Variants in FCGRT observed in about 807,000 individuals in gnomAD.
FCGRT encodes IgG receptor FcRn large subunit p51.
A neutral mutation model predicts 35.7 loss-of-function variants in FCGRT; 13 were observed. The observed-to-expected ratio is 0.36, with a 90% CI of 0.24 to 0.58. The LOEUF (loss-of-function observed/expected upper bound fraction) is 0.58. Among genes scored for constraint, FCGRT ranks in the 20% least tolerant of loss-of-function variants. FCGRT has a pLI of 0.77. For missense variants in FCGRT, 455 were observed against 474.9 expected (o/e 0.96, Z 0.39); for synonymous variants, 233 against 216.5 (o/e 1.08, Z -0.67).
chr19:49,517,642 C>T (rs1301109205), intron 4 of FCGRT, among the ~76,000 whole-genome samples: 1 of 152,082 alleles, frequency 6.6e-6, no homozygotes, highest in African/African-American at 2.4e-5. Flanking sequence ...ACTCACTTCC[C>T]CACCCCACTT....
Position 49,526,023 on chromosome 19 carries a change from C to G in FCGRT, c.1002C>G (p.Ser334=). The G allele has an allele frequency of 6.2e-7, 1 of 1,610,630 alleles. No homozygotes were observed. The highest frequency in any genetic ancestry group is 8.5e-7 in the Non-Finnish European group (1 of 1,177,126). The change falls in exon 7 of 7, where the codon TCC becomes TCG. Residue 334 remains serine, a synonymous_variant. Coordinates refer to ENST00000221466, the MANE Select transcript of FCGRT (RefSeq NM_001136019.3). ...CTCTCTCCTCAGCCCCTTGGATCTC[C>G]CTTCGTGGAGACGACACCGGGGTCC... ...MRSGLPAPWI[S]LRGDDTGVLL... is the part of the protein sequence containing the mutation.
chr19:49,522,900 C>CT (rs1420597305), intron 4 of FCGRT, among the ~76,000 whole-genome samples: 1 of 151,090 alleles, frequency 6.6e-6, no homozygotes, highest in Non-Finnish European at 1.5e-5. Flanking sequence ...GCCTCAGCCT[C>CT]CCAAGTGGCT....
intron 2 of FCGRT, 140 bp from the exon 3 acceptor site, chr19:49,513,742 C>A (rs1438731725): frequency 2.3e-5 from 4 of 175,274 alleles, no homozygotes; most frequent in Non-Finnish European, 4.1e-5. Flanking sequence ...CTCTGTCCCC[C>A]CCCCCCCGGG....
chr19:49,515,289 GC>G (rs2080001202), intron 4 of FCGRT: 1 of 151,860 alleles, frequency 6.6e-6, no homozygotes, highest in Non-Finnish European at 1.5e-5. Flanking sequence ...ACCATAACTG[GC>G]TAATTTTTTT....
intron 6 of FCGRT, 161 bp from the exon 7 acceptor site, chr19:49,525,849 A>AG (rs2080073013): frequency 2.8e-6 from 2 of 709,086 alleles, no homozygotes; most frequent in Admixed American, 2.0e-5. Flanking sequence ...ATGTAGAAAG[A>AG]GGGGGGACGG....
chr19:49,517,682 C>T (rs2080016370), intron 4 of FCGRT, among the ~76,000 whole-genome samples: 1 of 152,080 alleles, frequency 6.6e-6, no homozygotes, highest in Non-Finnish European at 1.5e-5. Flanking sequence ...TCTCAGACAT[C>T]ACAGTGTTTT....
In FCGRT at chr19:49,526,135, A is replaced by G. The variant is rs201766783; in HGVS notation, c.*16A>G. ...CACCGCCTGACCATCCGCCATTCCGACTGCTAAAAGCGAATGTAGTCAGGC... is the reference window on the plus strand; with the variant it reads ...CACCGCCTGACCATCCGCCATTCCGGCTGCTAAAAGCGAATGTAGTCAGGC... On this transcript the variant is annotated 3_prime_UTR_variant, in exon 7 of 7. Coordinates refer to ENST00000221466, the MANE Select transcript of FCGRT (RefSeq NM_001136019.3). The G allele has an allele frequency of 2.0e-5, 31 of 1,547,376 alleles. No homozygotes were observed. The East Asian group carries it at 6.5e-4, about 32-fold the overall frequency.
intron 4 of FCGRT, among the ~76,000 whole-genome samples, chr19:49,522,939 G>T (rs1046167427): frequency 4.6e-5 from 7 of 151,522 alleles, no homozygotes; most frequent in Non-Finnish European, 1.0e-4. Flanking sequence ...CACCACGCCC[G>T]GCTAATTTTT....
At chr19:49,520,239 C>T (rs2080033357) in intron 4 of FCGRT, among the ~76,000 whole-genome samples, 1 of 150,178 alleles carries the variant, frequency 6.7e-6, no homozygotes, top group Non-Finnish European at 1.5e-5. Context: ...AAGTGATCCT[C>T]CTGCCTCAGC....
chr19:49,524,478 C>A (rs1323857417), intron 4 of FCGRT, 29 bp from the exon 5 acceptor site: 1 of 1,597,428 alleles, frequency 6.3e-7, no homozygotes. Context: ...GGGCTCGCGA[C>A]TTAGGCCTGT....
chr19:49,526,071 C>T lies in FCGRT; in HGVS notation c.1050C>T (p.Ala350=). Residue 350 remains alanine (A), a synonymous_variant, in exon 7 of 7, where the codon GCC becomes GCT. Coordinates refer to ENST00000221466, the MANE Select transcript of FCGRT (RefSeq NM_001136019.3). ...TGVLLPTPGE[A]QDADLKDVNV... ...TCCTCCTGCCCACCCCAGGGGAGGC[C>T]CAGGATGCTGATTTGAAGGATGTAA... 1 of 1,613,710 alleles carries T rather than the reference C, an allele frequency of 6.2e-7. No individual in the cohort carries two copies. The highest frequency in any genetic ancestry group is 8.5e-7 in the Non-Finnish European group (1 of 1,179,816).
chr19:49,526,294 G>C lies in FCGRT; in HGVS notation c.*175G>C. ...GTTTCCCCTCCTAATACATATGGCTGTTTTCCACCTCGATAATATAACACG... is the reference window on the plus strand; with the variant it reads ...GTTTCCCCTCCTAATACATATGGCTCTTTTCCACCTCGATAATATAACACG... On this transcript the variant is annotated 3_prime_UTR_variant, in exon 7 of 7. Transcript: ENST00000221466. The C allele has an allele frequency of 3.4e-6, 2 of 591,292 alleles. No homozygotes were observed. Among genetic ancestry groups the C allele is most frequent in the Non-Finnish European group, 6.0e-6 (2 of 331,146 alleles). The allele number at this position is 591,292 out of a possible 1,614,324, so 36.6% of individuals were successfully genotyped here. A position where few individuals can be genotyped will look rare whatever the true frequency, so the allele number is the denominator to read the frequency against.
At chr19:49,515,441 TGGCTAATTTTTATACTTTTAGTAGAGA>T in intron 4 of FCGRT, among the ~76,000 whole-genome samples, 1 of 152,090 alleles carries the variant, frequency 6.6e-6, no homozygotes, top group Admixed American at 6.6e-5. Flanking sequence ...CCACCATGTC[TGGCTAATTTTTATACTTTTAGTAGAGA>T]TGGGGTTTCG....
chr19:49,524,580 C>T lies in FCGRT; in HGVS notation c.675C>T (p.Ser225=). 1.2e-6 allele frequency: 2 copies of T among 1,612,970 alleles called. No individual in the cohort carries two copies. Among genetic ancestry groups the T allele is most frequent in the Non-Finnish European group, 8.5e-7 (1 of 1,180,022 alleles). ...GFSVLTCSAF[S]FYPPELQLRF... is the part of the protein sequence containing the mutation. ...CCGTGCTTACCTGCAGCGCCTTCTC[C>T]TTCTACCCTCCGGAGCTGCAACTTC... Residue 225 remains serine (S), a synonymous_variant, in exon 5 of 7, where the codon TCC becomes TCT. Coordinates refer to ENST00000221466, the MANE Select transcript of FCGRT (RefSeq NM_001136019.3).
At chr19:49,518,382 T>A (rs56123337) in intron 4 of FCGRT, among the ~76,000 whole-genome samples, 17,121 of 149,778 alleles carry the variant, frequency 0.11, 963 homozygotes, top group African/African-American at 0.21. Context: ...TTTTTTCCTT[T>A]TTGAGACAGG....
At position 49,526,226 on chromosome 19, in the gene FCGRT, C is replaced by A; in HGVS notation, c.*107C>A. 1 of 738,174 alleles carries A rather than the reference C, an allele frequency of 1.4e-6. No homozygotes were observed. Among genetic ancestry groups the A allele is most frequent in the Non-Finnish European group, 2.4e-6 (1 of 423,628 alleles). 45.7% of individuals were successfully genotyped at this position (738,174 alleles called of 1,614,324 possible). A position where few individuals can be genotyped will look rare whatever the true frequency, so the allele number is the denominator to read the frequency against. ...TGAGCCTCCAGAAGGGGTTCTGGGCCTAGTTGTCCTCCCTCTGGAGCCCCG... is the reference window on the plus strand; with the variant it reads ...TGAGCCTCCAGAAGGGGTTCTGGGCATAGTTGTCCTCCCTCTGGAGCCCCG... On this transcript the variant is annotated 3_prime_UTR_variant, in exon 7 of 7. Transcript: ENST00000221466.
At chr19:49,514,997 C>CCCT (rs1555809303) in intron 4 of FCGRT, among the ~76,000 whole-genome samples, 3 of 141,450 alleles carry the variant, frequency 2.1e-5, no homozygotes, top group African/African-American at 7.8e-5. Context: ...TGGCTCCCCC[C>CCCT]TTTTTTTTTT....
intron 4 of FCGRT, among the ~76,000 whole-genome samples, chr19:49,514,850 G>A (rs1313346499): frequency 6.6e-6 from 1 of 151,576 alleles, no homozygotes; most frequent in Non-Finnish European, 1.5e-5. Context: ...GCACCACCAT[G>A]CCCGGCTAAT....
rs777030957 is a variant in FCGRT, at chr19:49,524,539, A to G, written c.634A>G (p.Ser212Gly). 1 of 1,611,244 alleles carries G rather than the reference A, an allele frequency of 6.2e-7. No homozygotes were observed. The highest frequency in any genetic ancestry group is 1.3e-5 in the African/African-American group (1 of 74,982). ...PPSMRLKARP[S>G]SPGFSVLTCS... ...CTCCATGCGCCTGAAGGCCCGACCCAGCAGCCCTGGCTTTTCCGTGCTTAC... is the reference window on the plus strand; with the variant it reads ...CTCCATGCGCCTGAAGGCCCGACCCGGCAGCCCTGGCTTTTCCGTGCTTAC... The change falls in exon 5 of 7, where the codon AGC becomes GGC. Residue 212 changes from serine (S) to glycine (G), a missense_variant. Transcript: ENST00000221466.
Sources: allele counts gnomAD v4.1 joint callset (sites outside exome capture counted in the v4.1 genomes callset), GRCh38; gene constraint gnomAD v4.1.1; transcripts MANE v1.5; gene names NCBI Gene and HGNC (gene_info 2026-07-23, HGNC 2026-07-21).